The following NRXN3 variants were observed in gnomAD, a reference collection of about 807,000 sequenced individuals.
NRXN3 encodes the protein neurexin 3.
NRXN3 carries 32 observed loss-of-function variants against 137.6 expected under a neutral mutation model. The ratio of observed to expected loss-of-function variants is 0.23; its 90% CI spans 0.18 to 0.31. The LOEUF is 0.31. Among genes scored for constraint, NRXN3 ranks in the 10% least tolerant of loss-of-function variants. The pLI is 1.00. For missense variants in NRXN3, 1,574 were observed against 2,062.5 expected (o/e 0.76, Z 4.59); for synonymous variants, 798 against 784.5 (o/e 1.02, Z -0.29).
At chr14:79,279,670 G>T in intron 15 of NRXN3, 1 of 986,462 alleles carries the variant, frequency 1.0e-6, no homozygotes, top group Non-Finnish European at 1.2e-6. Context: ...CTGCTCCGTG[G>T]CGCTAGTCCA....
intron 15 of NRXN3, among the ~76,000 whole-genome samples, chr14:79,264,979 T>C (rs1005659615): frequency 2.0e-5 from 3 of 152,182 alleles, no homozygotes; most frequent in Non-Finnish European, 4.4e-5. Context: ...TATGTGTGTG[T>C]ATATATACAT....
intron 16 of NRXN3, among the ~76,000 whole-genome samples, chr14:79,635,182 C>T (rs1468101685): frequency 6.6e-6 from 1 of 152,104 alleles, no homozygotes; most frequent in African/African-American, 2.4e-5. Flanking sequence ...TCACATTGTA[C>T]CCCATAAGTA....
intron 3 of NRXN3, among the ~76,000 whole-genome samples, chr14:78,297,480 G>A (rs1482124978): frequency 6.6e-6 from 1 of 152,140 alleles, no homozygotes; most frequent in Non-Finnish European, 1.5e-5. Context: ...TGCTTCCCAA[G>A]GGACTTAATC....
chr14:79,197,369 A>G (rs908564605), intron 15 of NRXN3, among the ~76,000 whole-genome samples: 2 of 152,182 alleles, frequency 1.3e-5, no homozygotes, highest in African/African-American at 2.4e-5. Flanking sequence ...GATTATTTGA[A>G]TTAGTTAATT....
rs1373785034 is a variant in NRXN3 at position 79,864,271 on chromosome 14, C to A, written c.*2307C>A. 1 of 152,534 alleles carries A rather than the reference C, an allele frequency of 6.6e-6. No individual in the cohort carries two copies. Among genetic ancestry groups the A allele is most frequent in the Admixed American group, 6.5e-5 (1 of 15,274 alleles). 9.4% of individuals were successfully genotyped at this position (152,534 alleles called of 1,614,324 possible). Reference sequence around the variant, plus strand: ...GGAACATGTGCATTCTCTATGTGAGCTTCTATCATATTCCTGTTTTATTAG... The same window carrying A: ...GGAACATGTGCATTCTCTATGTGAGATTCTATCATATTCCTGTTTTATTAG... On this transcript the variant is annotated 3_prime_UTR_variant, in exon 21 of 21. Transcript: ENST00000335750.
intron 3 of NRXN3, chr14:78,279,514 T>A (rs984267660): frequency 6.6e-6 from 1 of 152,216 alleles, no homozygotes; most frequent in South Asian, 2.1e-4. Flanking sequence ...TGTTTTCACA[T>A]GTTTTCTTGT....
intron 4 of NRXN3, among the ~76,000 whole-genome samples, chr14:78,365,230 T>C (rs1367466083): frequency 2.0e-5 from 3 of 152,180 alleles, no homozygotes; most frequent in Non-Finnish European, 4.4e-5. Context: ...ATATATATAA[T>C]ATACACAAAC....
intron 20 of NRXN3, among the ~76,000 whole-genome samples, chr14:79,856,494 A>G (rs1424866235): frequency 3.3e-5 from 5 of 152,346 alleles, no homozygotes. Flanking sequence ...CAAGGAATTC[A>G]AGCATGGTGT....
chr14:78,836,682 A>G (rs1385680559), intron 10 of NRXN3, among the ~76,000 whole-genome samples: 1 of 152,230 alleles, frequency 6.6e-6, no homozygotes, highest in Non-Finnish European at 1.5e-5. Context: ...AGTGGGCTCT[A>G]GTATTAGTTT....
chr14:78,409,833 A>T (rs1240660584), intron 4 of NRXN3, among the ~76,000 whole-genome samples: 1 of 152,216 alleles, frequency 6.6e-6, no homozygotes, highest in African/African-American at 2.4e-5. Context: ...AAGTGACAGG[A>T]AAACCCAACC....
chr14:78,518,494 C>T (rs993114451), intron 4 of NRXN3, among the ~76,000 whole-genome samples: 8 of 151,902 alleles, frequency 5.3e-5, no homozygotes, highest in African/African-American at 1.7e-4. Flanking sequence ...AGTGAGGTCC[C>T]CAAAGAAAAG....
chr14:78,174,617 C>G (rs568810255), intron 1 of NRXN3, among the ~76,000 whole-genome samples: 1 of 152,250 alleles, frequency 6.6e-6, no homozygotes, highest in South Asian at 2.1e-4. Flanking sequence ...CTGCCTGCCT[C>G]TTTGTGTGGT....
chr14:79,048,031 A>T (rs2099635581), intron 15 of NRXN3, among the ~76,000 whole-genome samples: 3 of 152,214 alleles, frequency 2.0e-5, no homozygotes, highest in Admixed American at 2.0e-4. Flanking sequence ...ATCCATCAAG[A>T]GTATGGATAA....
At chr14:79,319,232 C>A (rs565470003) in intron 15 of NRXN3, among the ~76,000 whole-genome samples, 4 of 152,192 alleles carry the variant, frequency 2.6e-5, no homozygotes, top group Admixed American at 6.5e-5. Context: ...TTAGCATGAT[C>A]TCTTCTCTAT....
At chr14:79,427,833 A>T (rs995252097) in intron 15 of NRXN3, among the ~76,000 whole-genome samples, 8 of 149,624 alleles carry the variant, frequency 5.3e-5, no homozygotes, top group Non-Finnish European at 1.2e-4. Context: ...TCCATCTCAA[A>T]AAAAAAAAAA....
chr14:79,744,974 G>A (rs1425242157), intron 19 of NRXN3, among the ~76,000 whole-genome samples: 1 of 149,820 alleles, frequency 6.7e-6, no homozygotes, highest in African/African-American at 2.5e-5. Flanking sequence ...AAATTTATTA[G>A]CCAGGACCAG....
chr14:79,449,358 T>G (rs2096125177), intron 15 of NRXN3, among the ~76,000 whole-genome samples: 1 of 152,136 alleles, frequency 6.6e-6, no homozygotes, highest in Non-Finnish European at 1.5e-5. Flanking sequence ...CCTTGCTTGT[T>G]GGGACTGGAC....
At position 79,059,250 on chromosome 14, in the gene NRXN3, C is replaced by CTT. The variant is rs869266975; in HGVS notation, c.3262+71133_3262+71134dup. 2.7e-3 allele frequency among the ~76,000 whole-genome samples: 210 copies of CTT among 78,264 alleles called. 11 individuals carry two copies. Among genetic ancestry groups the CTT allele is most frequent in the South Asian group, 9.7e-3 (21 of 2,176 alleles). The allele number at this position is 78,264 out of a possible 152,430, so 51.3% of individuals were successfully genotyped here. On this transcript the variant is annotated intron_variant, in intron 15 of 20. Transcript: ENST00000335750. Reference sequence around the variant, plus strand: ...AAGAAGGCTGCCTTCAGGCCCTATTCTTTTTTTTTTTTTTTTTTTTTTTTT... The same window carrying CTT: ...AAGAAGGCTGCCTTCAGGCCCTATTCTTTTTTTTTTTTTTTTTTTTTTTTTTT...
chr14:79,756,286 C>T (rs2099019276), intron 19 of NRXN3, among the ~76,000 whole-genome samples: 1 of 152,196 alleles, frequency 6.6e-6, no homozygotes, highest in Non-Finnish European at 1.5e-5. Context: ...CACTTTCCTT[C>T]TTCCTCTCCC....
Sources: allele counts gnomAD v4.1 joint callset (sites outside exome capture counted in the v4.1 genomes callset), GRCh38; gene constraint gnomAD v4.1.1; transcripts MANE v1.5; gene names NCBI Gene and HGNC (gene_info 2026-07-23, HGNC 2026-07-21).